The following CAPN3 variants were observed in gnomAD, a reference collection of about 807,000 sequenced individuals.
CAPN3 encodes the protein calpain 3, also known as calpain-3.
A neutral mutation model predicts 114.0 loss-of-function variants in CAPN3; 88 were observed. The observed-to-expected ratio is 0.77, with a 90% CI of 0.65 to 0.92. The LOEUF (loss-of-function observed/expected upper bound fraction) is 0.92, where lower values mean the gene tolerates loss of function less well. CAPN3 is among the 40% of genes least tolerant of loss of function. CAPN3 has a pLI of 0.00. For synonymous variants in CAPN3, 386 were observed against 382.9 expected (o/e 1.01, Z -0.09); for missense variants, 1,028 against 1,069.0 (o/e 0.96, Z 0.53).
Position 42,408,206 on chromosome 15 carries a change from T to A in CAPN3, c.1801-5T>A. ...TCCTTCCTGCCTCCTCCCTCCTCTCTCCAGCCCATCATCTTCGTTTCGGAC... is the reference window on the plus strand; with the variant it reads ...TCCTTCCTGCCTCCTCCCTCCTCTCACCAGCCCATCATCTTCGTTTCGGAC... On this transcript the variant is annotated splice_region_variant and splice_polypyrimidine_tract_variant and intron_variant, in intron 15 of 23. Coordinates refer to ENST00000397163, the MANE Select transcript of CAPN3 (RefSeq NM_000070.3). The A allele has an allele frequency of 6.2e-7, 1 of 1,606,816 alleles. No homozygotes were observed. Among genetic ancestry groups the A allele is most frequent in the Non-Finnish European group, 8.5e-7 (1 of 1,174,166 alleles).
chr15:42,410,525 C>T, intron 20 of CAPN3, 29 bp downstream of exon 20: 1 of 1,612,814 alleles, frequency 6.2e-7, no homozygotes, highest in Non-Finnish European at 8.5e-7. Flanking sequence ...GCGTGGGAGT[C>T]AAGAATGGGG....
At chr15:42,378,768 G>A (rs1443169087) in intron 1 of CAPN3, among the ~76,000 whole-genome samples, 3 of 151,784 alleles carry the variant, frequency 2.0e-5, no homozygotes, top group African/African-American at 7.3e-5. Flanking sequence ...TCTAACTTAT[G>A]CATTTAATGC....
At chr15:42,378,763 C>T (rs986115348) in intron 1 of CAPN3, among the ~76,000 whole-genome samples, 4 of 152,008 alleles carry the variant, frequency 2.6e-5, no homozygotes, top group African/African-American at 9.7e-5. Context: ...TCTTTTCTAA[C>T]TTATGCATTT....
intron 10 of CAPN3, among the ~76,000 whole-genome samples, 163 bp downstream of exon 10, chr15:42,399,815 T>C (rs1162088877): frequency 6.6e-6 from 1 of 152,208 alleles, no homozygotes; most frequent in African/African-American, 2.4e-5. Context: ...AAGTTTGCAA[T>C]AGGGAGCTGG....
intron 1 of CAPN3, among the ~76,000 whole-genome samples, chr15:42,377,323 G>A (rs1360129838): frequency 1.3e-5 from 2 of 152,076 alleles, no homozygotes; most frequent in African/African-American, 2.4e-5. Flanking sequence ...GTGGATGATC[G>A]TTACCAAGTT....
At chr15:42,397,245 CTTCAAGTCTCAGCTTAAGGAGAATT>C (rs578060469) in intron 9 of CAPN3, among the ~76,000 whole-genome samples, 15 of 152,322 alleles carry the variant, frequency 9.8e-5, no homozygotes, top group African/African-American at 2.4e-4. Context: ...TCTATTCAGG[CTTCAAGTCTCAGCTTAAGGAGAATT>C]TTCAAGTCTC....
rs764798491 is a variant in CAPN3, at chr15:42,410,627, A to G, written c.2224A>G (p.Ile742Val). ...CTATGACACAGACCAGTCCGGCACCATCAACAGCTACGAGATGCGAAATGC... is the reference window on the plus strand; with the variant it reads ...CTATGACACAGACCAGTCCGGCACCGTCAACAGCTACGAGATGCGAAATGC... ...KHYDTDQSGT[I>V]NSYEMRNAVN... is the part of the protein sequence containing the mutation. Residue 742 changes from isoleucine to valine, a missense_variant, in exon 21 of 24, where the codon ATC (isoleucine) becomes GTC (valine). Coordinates refer to ENST00000397163, the MANE Select transcript of CAPN3 (RefSeq NM_000070.3). 1.9e-6 allele frequency: 3 copies of G among 1,614,026 alleles called. No homozygotes were observed. The highest frequency in any genetic ancestry group is 2.5e-6 in the Non-Finnish European group (3 of 1,179,994).
chr15:42,404,586 A>G (rs2141207232), intron 14 of CAPN3, among the ~76,000 whole-genome samples: 1 of 152,346 alleles, frequency 6.6e-6, no homozygotes. Context: ...GGCCAGCCCC[A>G]GGCAGTGAGA....
rs1457010016 is a variant in CAPN3, at chr15:42,410,934, G to GACAA, written c.2318_2321dup (p.His774GlnfsTer8). 1.2e-6 allele frequency: 2 copies of GACAA among 1,614,090 alleles called. No homozygotes were observed. Among genetic ancestry groups the GACAA allele is most frequent in the Non-Finnish European group, 1.7e-6 (2 of 1,180,020 alleles). On this transcript the variant is annotated frameshift_variant, in exon 22 of 24. Coordinates refer to ENST00000397163, the MANE Select transcript of CAPN3 (RefSeq NM_000070.3). LOFTEE classifies it high-confidence loss of function. Reference sequence around the variant, plus strand: ...TGACATCATTACCATGCGGTACGCAGACAAACACATGAACATCGACTTTGA... The same window carrying GACAA: ...TGACATCATTACCATGCGGTACGCAGACAAACAAACACATGAACATCGACTTTGA...
chr15:42,386,082 A>G lies in CAPN3; in HGVS notation c.380-85A>G, dbSNP rs560252966. 91 of 915,048 alleles carry G rather than the reference A, an allele frequency of 9.9e-5. No individual in the cohort carries two copies. In the East Asian group the frequency reaches 2.2e-3, roughly 22 times the overall value. The allele number at this position is 915,048 out of a possible 1,614,324, so 56.7% of individuals were successfully genotyped here. ...CACCAAGGGAGTCCCCGTTCAGGGA[A>G]GTGGAGTGGCTGGCTGGGATTGGGG... is the stretch of plus-strand genomic sequence containing the variant. On this transcript the variant is annotated intron_variant, in intron 2 of 23. Coordinates refer to ENST00000397163, the MANE Select transcript of CAPN3 (RefSeq NM_000070.3).
chr15:42,410,620 C>T lies in CAPN3; in HGVS notation c.2217C>T (p.Ser739=), dbSNP rs148851444. The change falls in exon 21 of 24, where the codon TCC becomes TCT. Residue 739 remains serine (S), a synonymous_variant. Transcript: ENST00000397163. ...KIFKHYDTDQ[S]GTINSYEMRN... ...TCAAACACTATGACACAGACCAGTC[C>T]GGCACCATCAACAGCTACGAGATGC... 3.4e-5 allele frequency: 55 copies of T among 1,613,936 alleles called. No individual in the cohort carries two copies. The East Asian group carries it at 4.9e-4, about 14-fold the overall frequency.
At chr15:42,402,337 C>A in intron 12 of CAPN3, 1 of 1,492,676 alleles carries the variant, frequency 6.7e-7, no homozygotes, top group East Asian at 2.4e-5. Context: ...AGGATGTGCA[C>A]TTTCTCCCTC....
chr15:42,394,215 G>C (rs1194072923), intron 7 of CAPN3, 41 bp from the exon 8 acceptor site: 1 of 1,525,586 alleles, frequency 6.6e-7, no homozygotes, highest in Non-Finnish European at 8.9e-7. Context: ...TCCCTTTCCA[G>C]AGAGGCTGCA....
rs772598012 is a variant in CAPN3 at position 42,411,688 on chromosome 15, CGGGGGGGG to C, written c.2440-52_2440-45del. 6.6e-6 allele frequency: 3 copies of C among 455,374 alleles called. No individual in the cohort carries two copies. The Admixed American group carries it at 9.5e-5, about 14-fold the overall frequency. 28.2% of individuals were successfully genotyped at this position (455,374 alleles called of 1,614,324 possible). On this transcript the variant is annotated intron_variant, in intron 23 of 23. Transcript: ENST00000397163. ...CTCTTGCCCCGTAAGATTCCTAGGG[CGGGGGGGG>C]GGGGGGTCACTCTTTTCTGATCTAC...
At chr15:42,378,521 T>G (rs954560634) in intron 1 of CAPN3, among the ~76,000 whole-genome samples, 1 of 152,212 alleles carries the variant, frequency 6.6e-6, no homozygotes, top group Non-Finnish European at 1.5e-5. Flanking sequence ...TTAATATTAG[T>G]AATTTGTGTT....
chr15:42,360,762 C>G (rs541589071), intron 1 of CAPN3, among the ~76,000 whole-genome samples: 1 of 152,056 alleles, frequency 6.6e-6, no homozygotes, highest in Non-Finnish European at 1.5e-5. Flanking sequence ...TGACAGAGCC[C>G]GGATTAAAAC....
chr15:42,381,490 G>A (rs2053249477), intron 1 of CAPN3, among the ~76,000 whole-genome samples: 1 of 152,116 alleles, frequency 6.6e-6, no homozygotes, highest in South Asian at 2.1e-4. Context: ...GAACACTATA[G>A]GCAATATATT....
chr15:42,411,609 A>C, intron 23 of CAPN3, 138 bp from the exon 24 acceptor site: 1 of 740,266 alleles, frequency 1.4e-6, no homozygotes, highest in South Asian at 1.4e-5. Flanking sequence ...ACAGTAAGCC[A>C]CTGCTTCTTG....
intron 10 of CAPN3, among the ~76,000 whole-genome samples, chr15:42,400,782 A>C (rs1245182185): frequency 6.6e-6 from 1 of 152,116 alleles, no homozygotes; most frequent in African/African-American, 2.4e-5. Context: ...AGCTTGGGAC[A>C]TGGAAAGTTT....
Sources: allele counts gnomAD v4.1 joint callset (sites outside exome capture counted in the v4.1 genomes callset), GRCh38; gene constraint gnomAD v4.1.1; transcripts MANE v1.5; gene names NCBI Gene and HGNC (gene_info 2026-07-23, HGNC 2026-07-21).